The following DNM3 variants were observed in gnomAD, a reference collection of about 807,000 sequenced individuals.
DNM3 encodes dynamin 3, also known as dynamin-3.
A neutral mutation model predicts 101.6 loss-of-function variants in DNM3; 47 were observed. That is an observed-to-expected ratio of 0.46 (90% CI 0.37 to 0.59). DNM3 has a LOEUF of 0.59. Among genes scored for constraint, DNM3 ranks in the 20% least tolerant of loss-of-function variants. DNM3 has a pLI of 0.00. For missense variants in DNM3, 849 were observed against 1,085.7 expected, an observed-to-expected ratio of 0.78 and a Z score of 3.06; for synonymous variants, 385 against 387.9, an observed-to-expected ratio of 0.99 and a Z score of 0.09.
rs779001751 is a variant in DNM3 at position 172,081,829 on chromosome 1, T to A, written c.1423-3T>A. On this transcript the variant is annotated splice_region_variant and splice_polypyrimidine_tract_variant and intron_variant, in intron 11 of 20. Coordinates refer to ENST00000627582, the MANE Select transcript of DNM3 (RefSeq NM_015569.5). Reference sequence around the variant, plus strand: ...CACTGAAGTGTTTCTCTTTGACTTATAGGTATTGCTATTGATTGACATTCA... The same window carrying A: ...CACTGAAGTGTTTCTCTTTGACTTAAAGGTATTGCTATTGATTGACATTCA... The A allele has an allele frequency of 1.2e-6, 2 of 1,611,156 alleles. No homozygotes were observed. Among genetic ancestry groups the A allele is most frequent in the African/African-American group, 2.7e-5 (2 of 74,916 alleles).
chr1:172,144,899 C>T (rs1001675405), intron 14 of DNM3: 2 of 232,810 alleles, frequency 8.6e-6, no homozygotes, highest in South Asian at 1.1e-4. Flanking sequence ...TTTGGGTATG[C>T]GCTGTGCCGC....
chr1:171,975,336 A>G (rs1017558332), intron 2 of DNM3, among the ~76,000 whole-genome samples: 2 of 152,188 alleles, frequency 1.3e-5, no homozygotes, highest in Non-Finnish European at 2.9e-5. Flanking sequence ...TTACAAGACA[A>G]AATCTTTATT....
intron 17 of DNM3, among the ~76,000 whole-genome samples, chr1:172,331,548 A>C (rs12039027): frequency 0.22 from 33,824 of 152,118 alleles, 4,318 homozygotes; most frequent in South Asian, 0.29. Context: ...GATTTCAGCC[A>C]TGAGCAGCAC....
intron 20 of DNM3, among the ~76,000 whole-genome samples, chr1:172,400,736 A>G (rs572386684): frequency 1.3e-4 from 20 of 152,310 alleles, no homozygotes; most frequent in Middle Eastern, 3.4e-3. Context: ...TACCTGTTTC[A>G]TGACTTTATT....
chr1:172,131,747 C>T, intron 14 of DNM3: 2 of 335,152 alleles, frequency 6.0e-6, no homozygotes, highest in South Asian at 4.9e-5. Flanking sequence ...TTAAGAACGT[C>T]CACATCGCTA....
intron 15 of DNM3, among the ~76,000 whole-genome samples, chr1:172,295,808 A>G (rs2064137027): frequency 6.6e-6 from 1 of 152,162 alleles, no homozygotes; most frequent in African/African-American, 2.4e-5. Context: ...CCAAAACCCA[A>G]TTATACTGTT....
At chr1:172,072,756 A>G (rs10218579) in intron 11 of DNM3, among the ~76,000 whole-genome samples, 111,987 of 152,068 alleles carry the variant, frequency 0.74, 41,847 homozygotes, top group African/African-American at 0.84. Flanking sequence ...GCATGATGGC[A>G]GGTGCCTGTA....
intron 20 of DNM3, among the ~76,000 whole-genome samples, chr1:172,398,150 T>G (rs768053316): frequency 1.3e-5 from 2 of 152,212 alleles, no homozygotes; most frequent in Non-Finnish European, 2.9e-5. Context: ...CACTGACCAT[T>G]GTCTTTAGCT....
intron 11 of DNM3, among the ~76,000 whole-genome samples, chr1:172,071,452 A>G (rs1376252115): frequency 2.0e-5 from 3 of 152,018 alleles, no homozygotes; most frequent in East Asian, 1.9e-4. Flanking sequence ...TGGATCTCGC[A>G]TTTGAATTCT....
At chr1:172,095,656 G>A (rs1572486998) in intron 13 of DNM3, among the ~76,000 whole-genome samples, 2 of 152,184 alleles carry the variant, frequency 1.3e-5, no homozygotes, top group East Asian at 3.9e-4. Flanking sequence ...GAAACACTCT[G>A]CAGCATCCTA....
chr1:172,298,875 GAA>G (rs1480884565), intron 15 of DNM3, among the ~76,000 whole-genome samples: 1 of 133,452 alleles, frequency 7.5e-6, no homozygotes, highest in Admixed American at 7.6e-5. Context: ...GAGAGAGAGA[GAA>G]AGACAGAGAA....
chr1:172,118,972 T>C (rs1470813853), intron 13 of DNM3, among the ~76,000 whole-genome samples: 2 of 151,906 alleles, frequency 1.3e-5, no homozygotes, highest in Admixed American at 1.3e-4. Context: ...TTGGTCAGGC[T>C]GATGTCATAC....
chr1:172,409,122 G>A lies in DNM3; in HGVS notation c.*1281G>A, dbSNP rs1024473877. ...TGAGGCTAAGTTTTGGACTACCAAG[G>A]ACCAGATGATTCACATGTAGGAAAC... On this transcript the variant is annotated 3_prime_UTR_variant, in exon 21 of 21. Coordinates refer to ENST00000627582, the MANE Select transcript of DNM3 (RefSeq NM_015569.5). 10 of 985,238 alleles carry A rather than the reference G, an allele frequency of 1.0e-5. No homozygotes were observed. Among genetic ancestry groups the A allele is most frequent in the African/African-American group, 7.0e-5 (4 of 57,206 alleles). The allele number at this position is 985,238 out of a possible 1,614,324, so 61.0% of individuals were successfully genotyped here.
At chr1:172,286,194 T>C (rs1395978320) in intron 15 of DNM3, among the ~76,000 whole-genome samples, 1 of 152,056 alleles carries the variant, frequency 6.6e-6, no homozygotes, top group Non-Finnish European at 1.5e-5. Flanking sequence ...TGGGCAGCAA[T>C]TTTTCCTGTC....
chr1:172,228,690 C>T (rs1181102831), intron 14 of DNM3, among the ~76,000 whole-genome samples: 1 of 152,014 alleles, frequency 6.6e-6, no homozygotes, highest in Non-Finnish European at 1.5e-5. Flanking sequence ...GAATTTAGAA[C>T]TTTAAATATT....
intron 14 of DNM3, among the ~76,000 whole-genome samples, chr1:172,161,969 C>G (rs2058561636): frequency 6.6e-6 from 1 of 151,968 alleles, no homozygotes. Context: ...GTCTCGTTTT[C>G]TAAAAGTGTG....
intron 3 of DNM3, among the ~76,000 whole-genome samples, chr1:171,988,015 G>A (rs958467231): frequency 2.6e-5 from 4 of 152,118 alleles, no homozygotes; most frequent in Admixed American, 1.3e-4. Flanking sequence ...AATTGAGTTA[G>A]TCATCAAATT....
chr1:171,971,526 C>T (rs2043990794), intron 2 of DNM3, among the ~76,000 whole-genome samples: 1 of 151,978 alleles, frequency 6.6e-6, no homozygotes, highest in Admixed American at 6.6e-5. Context: ...CTTTGTTTCC[C>T]TATAGTAGTA....
At chr1:172,201,065 G>C (rs909557900) in intron 14 of DNM3, among the ~76,000 whole-genome samples, 1 of 152,094 alleles carries the variant, frequency 6.6e-6, no homozygotes, top group African/African-American at 2.4e-5. Context: ...GCTTTCACCA[G>C]GCTGAGGCTT....
Sources: allele counts gnomAD v4.1 joint callset (sites outside exome capture counted in the v4.1 genomes callset), GRCh38; gene constraint gnomAD v4.1.1; transcripts MANE v1.5; gene names NCBI Gene and HGNC (gene_info 2026-07-23, HGNC 2026-07-21).